Variants in NOL4L observed in about 807,000 individuals in gnomAD.
The protein encoded by NOL4L is nucleolar protein 4-like.
NOL4L carries 7 observed loss-of-function variants against 64.5 expected under a neutral mutation model. The observed-to-expected ratio is 0.11, with a 90% CI of 0.06 to 0.20. NOL4L has a LOEUF of 0.20. Ranked by LOEUF, NOL4L falls within the 10% of genes least tolerant of loss-of-function variation. The pLI is 1.00. For synonymous variants in NOL4L, 413 were observed against 401.0 expected, an observed-to-expected ratio of 1.03 and a Z score of -0.36; for missense variants, 680 against 967.1, an observed-to-expected ratio of 0.70 and a Z score of 3.94.
At chr20:32,521,121 T>TA (rs2017917778) in intron 2 of NOL4L, among the ~76,000 whole-genome samples, 199 bp from the exon 3 acceptor site, 1 of 152,206 alleles carries the variant, frequency 6.6e-6, no homozygotes, top group African/African-American at 2.4e-5. Flanking sequence ...CCATTTGTTT[T>TA]AAAAATCGCA....
At chr20:32,484,159 G>A (rs112108113) in intron 4 of NOL4L, among the ~76,000 whole-genome samples, 1,697 of 152,234 alleles carry the variant, frequency 0.011, 41 homozygotes, top group African/African-American at 0.038. Flanking sequence ...GCCCCTTCGG[G>A]CAGCCTTCGA....
chr20:32,566,377 A>T (rs1979431275), intron 1 of NOL4L, among the ~76,000 whole-genome samples: 1 of 152,026 alleles, frequency 6.6e-6, no homozygotes, highest in Non-Finnish European at 1.5e-5. Flanking sequence ...CACTTTTAAG[A>T]TATGGGCAGC....
chr20:32,496,629 C>A (rs1239194278), intron 4 of NOL4L, among the ~76,000 whole-genome samples: 3 of 152,018 alleles, frequency 2.0e-5, no homozygotes, highest in Non-Finnish European at 4.4e-5. Context: ...CAGCTCACTG[C>A]AACCTCTGCC....
chr20:32,475,200 G>A lies in NOL4L; in HGVS notation c.700-458C>T, dbSNP rs534747116. The A allele has an allele frequency of 8.9e-5, 88 of 985,446 alleles. 1 individual carries two copies. The Admixed American group carries it at 3.4e-3, about 38-fold the overall frequency. 61.0% of individuals were successfully genotyped at this position (985,446 alleles called of 1,614,324 possible). A position where few individuals can be genotyped will look rare whatever the true frequency, so the allele number is the denominator to read the frequency against. Reference sequence around the variant, plus strand: ...TGAGCTGAGTGCCCCCAGCAGGCCTGGCGCCCTGACTCCCATGAAGCATGC... The same window carrying A: ...TGAGCTGAGTGCCCCCAGCAGGCCTAGCGCCCTGACTCCCATGAAGCATGC... On this transcript the variant is annotated intron_variant, in intron 4 of 10. Coordinates refer to ENST00000621426, the MANE Select transcript of NOL4L (RefSeq NM_001256798.2).
chr20:32,575,902 A>G (rs1980072777), intron 1 of NOL4L, among the ~76,000 whole-genome samples: 1 of 152,210 alleles, frequency 6.6e-6, no homozygotes, highest in Non-Finnish European at 1.5e-5. Flanking sequence ...AAGAGGGAGA[A>G]GAGCTGGCCA....
At chr20:32,493,846 A>ACCCTGACTGTTGCTTTCTTTTT (rs1320506799) in intron 4 of NOL4L, among the ~76,000 whole-genome samples, 2 of 152,096 alleles carry the variant, frequency 1.3e-5, no homozygotes, top group Non-Finnish European at 2.9e-5. Flanking sequence ...GCTTGTCCCT[A>ACCCTGACTGTTGCTTTCTTTTT]CCCTGACTGT....
intron 4 of NOL4L, among the ~76,000 whole-genome samples, chr20:32,492,855 A>G (rs1186750308): frequency 1.3e-5 from 2 of 152,204 alleles, no homozygotes; most frequent in African/African-American, 2.4e-5. Context: ...CACGTCCACA[A>G]TCATGGAGCT....
chr20:32,534,489 A>T (rs903022589), intron 1 of NOL4L, among the ~76,000 whole-genome samples: 3 of 152,194 alleles, frequency 2.0e-5, no homozygotes, highest in African/African-American at 7.2e-5. Context: ...CCTGCATATT[A>T]ATTACTAGCA....
At position 32,527,760 on chromosome 20, in the gene NOL4L, C is replaced by T; in HGVS notation, c.475G>A (p.Ala159Thr). ...KHAGQKKTYR[A>T]IAETYAFLPR... ...AGGCAAAGAGACAGAAATCTCACCG[C>T]TCGGTAGGTTTTCTTCTGCCCAGCG... Residue 159 changes from alanine to threonine, a missense_variant and splice_region_variant, in exon 2 of 11, where the codon GCG becomes ACG. Ala to Thr is a moderately conservative substitution (Grantham distance 58). Around this residue, in one of 4 missense-constraint regions of NOL4L, gnomAD observed 181 missense variants for 335.2 expected, o/e 0.54. Transcript: ENST00000621426. 1 of 1,546,698 alleles carries T rather than the reference C, an allele frequency of 6.5e-7. No individual in the cohort carries two copies. The highest frequency in any genetic ancestry group is 8.7e-7 in the Non-Finnish European group (1 of 1,143,992).
intron 1 of NOL4L, among the ~76,000 whole-genome samples, chr20:32,567,846 A>C (rs550633389): frequency 1.3e-5 from 2 of 152,024 alleles, no homozygotes; most frequent in East Asian, 3.9e-4. Context: ...CATCACACAC[A>C]CCACCATCAC....
intron 4 of NOL4L, among the ~76,000 whole-genome samples, chr20:32,487,228 G>T (rs376224142): frequency 6.6e-6 from 1 of 152,088 alleles, no homozygotes; most frequent in Non-Finnish European, 1.5e-5. Context: ...AGATCATACC[G>T]TTGCACTCCA....
Position 32,447,808 on chromosome 20 carries a change from C to T in NOL4L, c.1831G>A (p.Asp611Asn). Residue 611 changes from aspartate (D) to asparagine (N), a missense_variant, in exon 11 of 11, where the codon GAC becomes AAC. By Grantham distance (23) the Asp-to-Asn change is conservative. Coordinates refer to ENST00000621426, the MANE Select transcript of NOL4L (RefSeq NM_001256798.2). ...QTGNHSNGPTDLSMKGGASTT... is the reference protein window; with the variant it reads ...QTGNHSNGPTNLSMKGGASTT... Reference sequence around the variant, plus strand: ...GAGGCCCCGCCTTTCATGCTGAGGTCCGTGGGCCCTGTGGAGAGGGAAGTA... The same window carrying T: ...GAGGCCCCGCCTTTCATGCTGAGGTTCGTGGGCCCTGTGGAGAGGGAAGTA... The T allele has an allele frequency of 2.6e-6, 4 of 1,558,786 alleles. No homozygotes were observed. Among genetic ancestry groups the T allele is most frequent in the Admixed American group, 1.8e-5 (1 of 54,516 alleles).
chr20:32,582,591 C>T (rs906378510), intron 1 of NOL4L, among the ~76,000 whole-genome samples: 2 of 152,074 alleles, frequency 1.3e-5, no homozygotes, highest in Non-Finnish European at 2.9e-5. Context: ...TCTGGGGGGT[C>T]ACCCCCCAAC....
rs1431509194 is a variant in NOL4L at position 32,474,921 on chromosome 20, C to T, written c.700-179G>A. 4.1e-6 allele frequency: 4 copies of T among 985,332 alleles called. No individual in the cohort carries two copies. The African/African-American group carries it at 5.2e-5, about 13-fold the overall frequency. 61.0% of individuals were successfully genotyped at this position (985,332 alleles called of 1,614,324 possible). ...TCCCCCTTGCCCGGTGGAAGTGGCC[C>T]CGGCTCTGGTTCCTGTCGGAAGCCA... On this transcript the variant is annotated intron_variant, in intron 4 of 10. Coordinates refer to ENST00000621426, the MANE Select transcript of NOL4L (RefSeq NM_001256798.2).
intron 5 of NOL4L, among the ~76,000 whole-genome samples, chr20:32,462,919 A>AAAAAAAAAAAAAC (rs1303278206): frequency 6.6e-6 from 1 of 150,854 alleles, no homozygotes; most frequent in African/African-American, 2.4e-5. Context: ...AAAAAAAAAA[A>AAAAAAAAAAAAAC]AAAACTGATT....
intron 1 of NOL4L, among the ~76,000 whole-genome samples, chr20:32,529,785 G>A (rs1414789534): frequency 2.0e-5 from 3 of 152,184 alleles, no homozygotes; most frequent in Non-Finnish European, 2.9e-5. Flanking sequence ...TCAGTGGGAC[G>A]TCTCAGATAG....
chr20:32,552,391 A>G (rs1373247357), intron 1 of NOL4L, among the ~76,000 whole-genome samples: 2 of 151,106 alleles, frequency 1.3e-5, no homozygotes, highest in African/African-American at 4.9e-5. Context: ...TTTTTTTTTT[A>G]ATAATGAAAT....
intron 3 of NOL4L, chr20:32,519,681 G>A (rs2145571585): frequency 6.6e-6 from 1 of 152,600 alleles, no homozygotes; most frequent in Non-Finnish European, 1.5e-5. Context: ...CCTCTGGGAT[G>A]TTCAGTTTGA....
At chr20:32,471,500 C>A (rs1056933797) in intron 5 of NOL4L, among the ~76,000 whole-genome samples, 1 of 152,216 alleles carries the variant, frequency 6.6e-6, no homozygotes, top group Non-Finnish European at 1.5e-5. Context: ...CAGCCTTCAT[C>A]TGCCTTTGTT....
Sources: allele counts gnomAD v4.1 joint callset (sites outside exome capture counted in the v4.1 genomes callset), GRCh38; gene constraint gnomAD v4.1.1; regional missense constraint gnomAD v4.1.1; transcripts MANE v1.5; gene names NCBI Gene and HGNC (gene_info 2026-07-23, HGNC 2026-07-21).